SAXO1: variants seen among roughly 807,000 people sequenced by gnomAD.
SAXO1 encodes the protein stabilizer of axonemal microtubules 1.
Under a neutral mutation model 17.5 loss-of-function variants are expected in SAXO1, and 21 were observed. That is an observed-to-expected ratio of 1.20 (90% CI 0.85 to 1.72). SAXO1 has a LOEUF of 1.72. Among genes scored for constraint, SAXO1 ranks in the 40% most tolerant of loss-of-function variants. The probability of loss-of-function intolerance (pLI) is 0.00; values close to 1 mark genes in which losing one functional copy is unlikely to be tolerated. For missense variants in SAXO1, 843 were observed against 596.0 expected, an observed-to-expected ratio of 1.41 and a Z score of -4.32; for synonymous variants, 274 against 216.5, an observed-to-expected ratio of 1.27 and a Z score of -2.33.
chr9:19,000,791 G>A (rs914122016), intron 1 of SAXO1, among the ~76,000 whole-genome samples: 1 of 152,130 alleles, frequency 6.6e-6, no homozygotes, highest in Non-Finnish European at 1.5e-5. Context: ...TGCAATCCTG[G>A]TCTCTGATAA....
intron 1 of SAXO1, among the ~76,000 whole-genome samples, chr9:19,013,485 T>C (rs10811098): frequency 0.36 from 54,515 of 150,830 alleles, 10,720 homozygotes; most frequent in Non-Finnish European, 0.43. Flanking sequence ...CATTTAGGAA[T>C]GCAGTCACAA....
At chr9:19,027,536 C>G in intron 1 of SAXO1, 1 of 1,069,706 alleles carries the variant, frequency 9.3e-7, no homozygotes, top group East Asian at 2.4e-5. Flanking sequence ...GGAGAAGACC[C>G]TCCTGGCCTG....
intron 3 of SAXO1, among the ~76,000 whole-genome samples, chr9:18,930,734 G>A (rs1388158883): frequency 2.6e-5 from 4 of 152,146 alleles, no homozygotes; most frequent in African/African-American, 9.7e-5. Context: ...CCCGACCTCA[G>A]GTAATCCGCC....
rs781318054 is a variant in SAXO1 at position 18,928,643 on chromosome 9, G to T, written c.834C>A (p.Tyr278Ter). ...FCNTTEFRDKYQAWPMPRMFS... is the reference protein window; with the variant it reads ...FCNTTEFRDK ...ACATCCGGGGCATTGGCCAAGCTTG[G>T]TACTTATCTCGAAACTCAGTGGTGT... is the stretch of plus-strand genomic sequence containing the variant. The change falls in exon 4 of 4, where the codon TAC (tyrosine) becomes TAA (stop). Residue 278 changes from tyrosine (Y) to a stop codon, truncating the protein, a stop_gained. Transcript: ENST00000380534. LOFTEE classifies it low-confidence loss of function (END_TRUNC). The T allele has an allele frequency of 1.1e-5, 17 of 1,614,126 alleles. No homozygotes were observed. The highest frequency in any genetic ancestry group is 1.4e-5 in the Non-Finnish European group (16 of 1,180,030).
intron 1 of SAXO1, among the ~76,000 whole-genome samples, chr9:18,995,215 T>C (rs1213394025): frequency 6.6e-6 from 1 of 152,202 alleles, no homozygotes; most frequent in Non-Finnish European, 1.5e-5. Flanking sequence ...AATGCAGACA[T>C]GTCAATATCC....
At chr9:18,972,749 T>C (rs1199968170) in intron 1 of SAXO1, among the ~76,000 whole-genome samples, 2 of 152,144 alleles carry the variant, frequency 1.3e-5, no homozygotes, top group Admixed American at 6.6e-5. Context: ...CAAAATTCCA[T>C]CTCTTTCCTT....
intron 1 of SAXO1, among the ~76,000 whole-genome samples, chr9:19,017,225 G>T (rs1835014871): frequency 6.6e-6 from 1 of 152,066 alleles, no homozygotes; most frequent in African/African-American, 2.4e-5. Context: ...AAAATCTGGA[G>T]TGACACTGGA....
chr9:18,972,129 A>G (rs1832965526), intron 1 of SAXO1, among the ~76,000 whole-genome samples: 1 of 152,238 alleles, frequency 6.6e-6, no homozygotes, highest in South Asian at 2.1e-4. Flanking sequence ...GACCTCCCAG[A>G]TGCTGGCAAA....
At chr9:18,996,382 G>A (rs1159638066) in intron 1 of SAXO1, among the ~76,000 whole-genome samples, 3 of 152,286 alleles carry the variant, frequency 2.0e-5, no homozygotes, top group East Asian at 1.9e-4. Flanking sequence ...AACCTTGATG[G>A]TGCAACCTAC....
At chr9:18,971,320 T>A (rs1009456312) in intron 1 of SAXO1, among the ~76,000 whole-genome samples, 5 of 152,088 alleles carry the variant, frequency 3.3e-5, no homozygotes, top group Non-Finnish European at 5.9e-5. Flanking sequence ...CTCCAAACTT[T>A]CAGAATTCCA....
chr9:19,046,769 C>A (rs1836227977), intron 1 of SAXO1, among the ~76,000 whole-genome samples: 1 of 150,906 alleles, frequency 6.6e-6, no homozygotes, highest in African/African-American at 2.4e-5. Context: ...GGGAGGCTGG[C>A]ATGTGAGGAT....
At chr9:19,004,939 G>C (rs79248304) in intron 1 of SAXO1, among the ~76,000 whole-genome samples, 1 of 152,068 alleles carries the variant, frequency 6.6e-6, no homozygotes, top group Non-Finnish European at 1.5e-5. Flanking sequence ...ATGAACCCAG[G>C]AAAGAGGTGC....
intron 1 of SAXO1, among the ~76,000 whole-genome samples, chr9:18,992,181 G>A (rs1833840940): frequency 6.6e-6 from 1 of 152,164 alleles, no homozygotes; most frequent in African/African-American, 2.4e-5. Flanking sequence ...CCATAACAAA[G>A]TCTCAGAAAC....
In SAXO1 at chr9:18,935,868, G is replaced by A. The variant is rs371600446; in HGVS notation, c.421+5769C>T. Among the ~76,000 whole-genome samples, 655 of 152,286 alleles carry A rather than the reference G, an allele frequency of 4.3e-3. 10 individuals carry two copies. The highest frequency in any genetic ancestry group is 0.015 in the African/African-American group (627 of 41,542). ...GTCAGGCCCCACTGACAGCACAGCT[G>A]CTTGTTTCCACAGCCTAGCCTGCTC... is the stretch of plus-strand genomic sequence containing the variant. On this transcript the variant is annotated intron_variant, in intron 3 of 3. Coordinates refer to ENST00000380534, the MANE Select transcript of SAXO1 (RefSeq NM_153707.4).
chr9:18,985,835 T>C (rs1833572858), intron 1 of SAXO1, among the ~76,000 whole-genome samples: 1 of 152,222 alleles, frequency 6.6e-6, no homozygotes, highest in Admixed American at 6.5e-5. Flanking sequence ...AGTGACTCCA[T>C]CAGGCAAGAC....
At chr9:18,995,217 T>G (rs188654977) in intron 1 of SAXO1, among the ~76,000 whole-genome samples, 237 of 152,328 alleles carry the variant, frequency 1.6e-3, no homozygotes, top group African/African-American at 5.4e-3. Context: ...TGCAGACATG[T>G]CAATATCCTC....
Position 18,981,760 on chromosome 9 carries a change from T to C in SAXO1, c.39-30823A>G, listed in dbSNP as rs559936161. On this transcript the variant is annotated intron_variant, in intron 1 of 3. Transcript: ENST00000380534. ...AGGGATTGGGGCCCCACCTCACAAG[T>C]GAATAAAAAATAAAAAACAAAACAA... Among the ~76,000 whole-genome samples the C allele has an allele frequency of 3.4e-4, 51 of 151,760 alleles. 1 individual carries two copies. The highest frequency in any genetic ancestry group is 6.8e-3 in the Middle Eastern group (2 of 294).
At position 18,931,461 on chromosome 9, in the gene SAXO1, T is replaced by C. The variant is rs370588254; in HGVS notation, c.422-2406A>G. On this transcript the variant is annotated intron_variant, in intron 3 of 3. Transcript: ENST00000380534. ...CTCCTTGGCTATTATAAAGAAATTCTGCTATGAGCCTTTGTGAAGAAGTCT... is the reference window on the plus strand; with the variant it reads ...CTCCTTGGCTATTATAAAGAAATTCCGCTATGAGCCTTTGTGAAGAAGTCT... Among the ~76,000 whole-genome samples the C allele has an allele frequency of 7.2e-5, 11 of 152,358 alleles. No homozygotes were observed. The East Asian group carries it at 7.7e-4, about 11-fold the overall frequency.
At chr9:19,046,160 C>T (rs1469939267) in intron 1 of SAXO1, among the ~76,000 whole-genome samples, 1 of 145,316 alleles carries the variant, frequency 6.9e-6, no homozygotes, top group East Asian at 2.0e-4. Context: ...CAAGACTAAA[C>T]GGGATAAAAA....
Sources: gnomAD v4.1 joint callset for allele counts (sites outside exome capture counted in the v4.1 genomes callset) on GRCh38, gnomAD v4.1.1 for gene constraint, MANE v1.5 for transcripts, NCBI Gene and HGNC (gene_info 2026-07-23, HGNC 2026-07-21) for gene names.